ACER3: variants seen among roughly 807,000 people sequenced by gnomAD.
The protein encoded by ACER3 is alkCDase 3.
In ACER3, 16 loss-of-function variants were observed where a neutral mutation model predicts 48.9. The observed-to-expected ratio is 0.33, with a 90% CI of 0.22 to 0.50. ACER3 has a LOEUF of 0.50. ACER3 is among the 20% of genes least tolerant of loss of function. ACER3 has a pLI of 0.98. For missense variants in ACER3, 227 were observed against 326.0 expected, an observed-to-expected ratio of 0.70 and a Z score of 2.34; for synonymous variants, 109 against 107.8, an observed-to-expected ratio of 1.01 and a Z score of -0.07.
intron 4 of ACER3, among the ~76,000 whole-genome samples, chr11:76,982,600 A>G (rs1423463720): frequency 1.3e-5 from 2 of 151,968 alleles, no homozygotes; most frequent in African/African-American, 4.8e-5. Flanking sequence ...AGATATTTGT[A>G]TTTTAAATAT....
At chr11:76,864,596 A>AT (rs772026324) in intron 1 of ACER3, among the ~76,000 whole-genome samples, 7,989 of 99,652 alleles carry the variant, frequency 0.08, 763 homozygotes, top group African/African-American at 0.17. Flanking sequence ...TGGAATGGGT[A>AT]TTTTTTTTTT....
At chr11:76,966,172 A>G (rs1320164552) in intron 3 of ACER3, among the ~76,000 whole-genome samples, 1 of 152,144 alleles carries the variant, frequency 6.6e-6, no homozygotes, top group Non-Finnish European at 1.5e-5. Context: ...GTCTCTGATT[A>G]AACAGACTTT....
intron 7 of ACER3, among the ~76,000 whole-genome samples, chr11:77,005,992 T>TACATATATATATATA (rs1491403985): frequency 2.8e-5 from 2 of 70,588 alleles, no homozygotes; most frequent in African/African-American, 5.5e-5. Flanking sequence ...TATATATATA[T>TACATATATATATATA]TTTTTTTTTT....
At chr11:76,988,915 T>C (rs1039847079) in intron 5 of ACER3, among the ~76,000 whole-genome samples, 2 of 152,168 alleles carry the variant, frequency 1.3e-5, no homozygotes, top group Non-Finnish European at 2.9e-5. Flanking sequence ...GCAAATTACT[T>C]AATCTCTCTC....
At chr11:76,952,527 G>A (rs1038205079) in intron 2 of ACER3, among the ~76,000 whole-genome samples, 1 of 151,432 alleles carries the variant, frequency 6.6e-6, no homozygotes, top group Non-Finnish European at 1.5e-5. Context: ...CAAAGTGCTG[G>A]GATTACAGGT....
In ACER3 at chr11:76,929,039, A is replaced by C. The variant is rs1373888832; in HGVS notation, c.214+2372A>C. 3.9e-5 allele frequency among the ~76,000 whole-genome samples: 6 copies of C among 152,256 alleles called. No individual in the cohort carries two copies. In the East Asian group the frequency reaches 1.2e-3, roughly 29 times the overall value. On this transcript the variant is annotated intron_variant, in intron 2 of 10. Transcript: ENST00000532485. ...TGATGGGGATGGCATTGAATCTATA[A>C]ATTACTTTGGGTAATATGGCCATTT...
intron 1 of ACER3, among the ~76,000 whole-genome samples, chr11:76,890,659 A>T (rs1295829755): frequency 6.6e-6 from 1 of 152,228 alleles, no homozygotes; most frequent in Non-Finnish European, 1.5e-5. Context: ...ATTTCAAGGC[A>T]TAGTGAGTAT....
Position 76,998,811 on chromosome 11 carries a change from A to C in ACER3, c.487A>C (p.Ile163Leu). Residue 163 changes from isoleucine to leucine, a missense_variant, in exon 7 of 11, where the codon ATT (isoleucine) becomes CTT (leucine). Physicochemically the swap from Ile to Leu is conservative, Grantham distance 5. Around this residue, in one of 3 missense-constraint regions of ACER3, gnomAD observed 195 missense variants for 290.8 expected, o/e 0.67. Transcript: ENST00000532485. ...TACATTAGTACTTCGATCTATTTAT[A>C]TTGTTACATGGTAAGTAGTTTGGAT... The part of the protein sequence containing the change: ...VFTLVLRSIY[I>L]VTWVYPWLRG... 1.3e-6 allele frequency: 2 copies of C among 1,594,864 alleles called. No homozygotes were observed. Among genetic ancestry groups the C allele is most frequent in the South Asian group, 2.3e-5 (2 of 87,708 alleles).
rs761856919 is a variant in ACER3, at chr11:76,959,041, G to A, written c.267+10G>A. The A allele has an allele frequency of 2.5e-6, 4 of 1,613,676 alleles. No homozygotes were observed. The African/African-American group carries it at 4.0e-5, about 16-fold the overall frequency. ...GAAATATGAAATGCAGGTTAGTAAT[G>A]ATGAAATTGACAAATGCTTATTTCT... On this transcript the variant is annotated intron_variant, in intron 3 of 10. Transcript: ENST00000532485.
At chr11:76,964,109 C>T (rs907022323) in intron 3 of ACER3, among the ~76,000 whole-genome samples, 1 of 151,446 alleles carries the variant, frequency 6.6e-6, no homozygotes, top group Non-Finnish European at 1.5e-5. Flanking sequence ...CAGGTCACTC[C>T]CACCCTAATA....
At chr11:77,012,291 G>A (rs1394630436) in intron 7 of ACER3, among the ~76,000 whole-genome samples, 2 of 151,766 alleles carry the variant, frequency 1.3e-5, no homozygotes, top group Non-Finnish European at 2.9e-5. Context: ...GGTGGCGCAC[G>A]CCTGTAGTCC....
Position 77,006,303 on chromosome 11 carries a change from G to A in ACER3, c.497+7482G>A, listed in dbSNP as rs537626507. The stretch of plus-strand genomic sequence containing the variant: ...CGCGCCTGGCTGTCTTTAATATTTT[G>A]TCTCCATGCATTTAGAACCATATCA... On this transcript the variant is annotated intron_variant, in intron 7 of 10. Transcript: ENST00000532485. 7.2e-5 allele frequency among the ~76,000 whole-genome samples: 11 copies of A among 151,814 alleles called. No individual in the cohort carries two copies. In the East Asian group the frequency reaches 2.1e-3, roughly 30 times the overall value.
intron 4 of ACER3, among the ~76,000 whole-genome samples, chr11:76,979,255 A>G (rs1034768605): frequency 6.6e-6 from 1 of 152,232 alleles, no homozygotes; most frequent in Non-Finnish European, 1.5e-5. Context: ...TCTCAAAGTT[A>G]ATGGTACACA....
chr11:76,927,967 T>A (rs958168076), intron 2 of ACER3, among the ~76,000 whole-genome samples: 8 of 152,144 alleles, frequency 5.3e-5, no homozygotes, highest in African/African-American at 1.9e-4. Flanking sequence ...ATCCTTTGAG[T>A]ATATACCCAA....
intron 3 of ACER3, among the ~76,000 whole-genome samples, chr11:76,975,856 GA>G (rs1948425456): frequency 1.3e-5 from 1 of 76,164 alleles, no homozygotes; most frequent in South Asian, 3.8e-4. Flanking sequence ...AATAAGAGCT[GA>G]AACCTTTTTT....
At chr11:76,894,031 C>T (rs1945871310) in intron 1 of ACER3, among the ~76,000 whole-genome samples, 1 of 152,136 alleles carries the variant, frequency 6.6e-6, no homozygotes, top group Admixed American at 6.5e-5. Flanking sequence ...TGGCTCATGC[C>T]TATAATTCCA....
chr11:76,976,402 G>A (rs552794901), intron 4 of ACER3, 61 bp downstream of exon 4: 78 of 1,015,838 alleles, frequency 7.7e-5, no homozygotes, highest in Non-Finnish European at 1.1e-4. Context: ...ACCTCATAGT[G>A]GATTAATATA....
intron 2 of ACER3, among the ~76,000 whole-genome samples, chr11:76,943,142 CT>C (rs909764516): frequency 5.3e-5 from 8 of 151,560 alleles, no homozygotes; most frequent in African/African-American, 1.9e-4. Context: ...TGATCCTTTG[CT>C]TTTTTTGTTT....
At chr11:77,010,942 C>T (rs959440230) in intron 7 of ACER3, among the ~76,000 whole-genome samples, 1 of 152,202 alleles carries the variant, frequency 6.6e-6, no homozygotes, top group Admixed American at 6.5e-5. Context: ...AAAAAACTTA[C>T]ATCCCATTAA....
Sources: gnomAD v4.1 joint callset for allele counts (sites outside exome capture counted in the v4.1 genomes callset) on GRCh38, gnomAD v4.1.1 for gene constraint, gnomAD v4.1.1 regional missense constraint, MANE v1.5 for transcripts, NCBI Gene and HGNC (gene_info 2026-07-23, HGNC 2026-07-21) for gene names.